ZNF678: variants seen among roughly 807,000 people sequenced by gnomAD.
The protein encoded by ZNF678 is hypothetical protein MGC42493.
ZNF678 carries 5 observed loss-of-function variants against 3.0 expected under a neutral mutation model. That is an observed-to-expected ratio of 1.69 (90% CI 0.88 to 3.56). The LOEUF (loss-of-function observed/expected upper bound fraction) is 3.56, where lower values mean the gene tolerates loss of function less well. ZNF678 is among the 30% of genes most tolerant of loss of function. The pLI, the probability that ZNF678 is intolerant of heterozygous loss-of-function variation, is 0.00. For missense variants in ZNF678, 593 were observed against 605.0 expected, an observed-to-expected ratio of 0.98 and a Z score of 0.21; for synonymous variants, 218 against 199.6, an observed-to-expected ratio of 1.09 and a Z score of -0.78.
In ZNF678 at chr1:227,654,581, A is replaced by G. The variant is rs756607703; in HGVS notation, c.331A>G (p.Ile111Val). 2.5e-5 allele frequency: 40 copies of G among 1,613,292 alleles called. No homozygotes were observed. The highest frequency in any genetic ancestry group is 4.5e-5 in the East Asian group (2 of 44,874). ...TGGCAGAAATTTTAGCTGGAGGTCA[A>G]TCCTTACTGAACATAAGAGAATTCA... ...ECGRNFSWRS[I>V]LTEHKRIHTG... Residue 111 changes from isoleucine (I) to valine (V), a missense_variant, in exon 4 of 4, where the codon ATC becomes GTC. Coordinates refer to ENST00000343776, the MANE Select transcript of ZNF678 (RefSeq NM_001367909.1).
At chr1:227,564,842 C>G (rs1021954693) in intron 1 of ZNF678, among the ~76,000 whole-genome samples, 1 of 151,964 alleles carries the variant, frequency 6.6e-6, no homozygotes, top group South Asian at 2.1e-4. Flanking sequence ...AGCGATTCTC[C>G]TGCCTCAGCC....
chr1:227,573,155 GTTAT>G (rs1325023705), intron 1 of ZNF678, among the ~76,000 whole-genome samples: 1 of 152,244 alleles, frequency 6.6e-6, no homozygotes, highest in Non-Finnish European at 1.5e-5. Context: ...CACACACATG[GTTAT>G]TTATTGTCAG....
At chr1:227,635,770 G>C (rs970746719) in intron 1 of ZNF678, among the ~76,000 whole-genome samples, 1 of 152,050 alleles carries the variant, frequency 6.6e-6, no homozygotes, top group Non-Finnish European at 1.5e-5. Flanking sequence ...CTCTCTTGCT[G>C]CTTCTGCTAT....
intron 1 of ZNF678, among the ~76,000 whole-genome samples, chr1:227,642,833 C>T (rs1446478459): frequency 6.6e-6 from 1 of 152,060 alleles, no homozygotes; most frequent in East Asian, 1.9e-4. Flanking sequence ...TTGGTTGGTA[C>T]CTAGATGGGA....
In ZNF678 at chr1:227,654,911, T is replaced by C; in HGVS notation, c.661T>C (p.Phe221Leu). The C allele has an allele frequency of 6.2e-7, 1 of 1,612,328 alleles. No homozygotes were observed. Among genetic ancestry groups the C allele is most frequent in the Non-Finnish European group, 8.5e-7 (1 of 1,179,370 alleles). The change falls in exon 4 of 4, where the codon TTC becomes CTC. Residue 221 changes from phenylalanine (F) to leucine (L), a missense_variant. Coordinates refer to ENST00000343776, the MANE Select transcript of ZNF678 (RefSeq NM_001367909.1). ...CEECGKAFTQ[F>L]SNLTQHKRIH... Reference sequence around the variant, plus strand: ...AGAATGTGGCAAAGCCTTTACCCAGTTCTCAAACCTTACACAACATAAGAG... The same window carrying C: ...AGAATGTGGCAAAGCCTTTACCCAGCTCTCAAACCTTACACAACATAAGAG...
intron 1 of ZNF678, among the ~76,000 whole-genome samples, chr1:227,602,307 A>G (rs1377738962): frequency 1.3e-5 from 2 of 152,246 alleles, no homozygotes. Flanking sequence ...TTATCAGTTA[A>G]AATTTATGTT....
chr1:227,582,941 T>G (rs144694604), intron 1 of ZNF678, among the ~76,000 whole-genome samples: 3 of 152,336 alleles, frequency 2.0e-5, no homozygotes, highest in Non-Finnish European at 2.9e-5. Flanking sequence ...TGAAGGTTAA[T>G]TGGCAATTTC....
At chr1:227,581,872 C>G (rs1657137614) in intron 1 of ZNF678, among the ~76,000 whole-genome samples, 1 of 152,190 alleles carries the variant, frequency 6.6e-6, no homozygotes, top group Non-Finnish European at 1.5e-5. Flanking sequence ...TACATTTCCA[C>G]CAGCAGCGCA....
chr1:227,614,605 T>G (rs1658099297), intron 1 of ZNF678, among the ~76,000 whole-genome samples: 1 of 152,210 alleles, frequency 6.6e-6, no homozygotes, highest in South Asian at 2.1e-4. Context: ...TTTCTTAGCT[T>G]TTGTTCAGAC....
At chr1:227,641,081 G>A (rs1239658964) in intron 1 of ZNF678, among the ~76,000 whole-genome samples, 1 of 152,210 alleles carries the variant, frequency 6.6e-6, no homozygotes, top group Non-Finnish European at 1.5e-5. Context: ...CTTACCAGTA[G>A]GCGAGATCAG....
chr1:227,666,832 C>T (rs1407237320), downstream of ZNF678, among the ~76,000 whole-genome samples: 15 of 150,548 alleles, frequency 1.0e-4, no homozygotes, highest in Non-Finnish European at 1.9e-4. Context: ...CCAACCTCCG[C>T]CTCCCGGGTT....
At chr1:227,567,825 G>C (rs1317296304) in intron 1 of ZNF678, among the ~76,000 whole-genome samples, 2 of 151,608 alleles carry the variant, frequency 1.3e-5, no homozygotes, top group East Asian at 3.9e-4. Context: ...CAATGTGCAG[G>C]TTAGTTACAT....
intron 1 of ZNF678, among the ~76,000 whole-genome samples, chr1:227,583,095 T>C (rs1186253670): frequency 1.3e-5 from 2 of 152,132 alleles, no homozygotes; most frequent in Non-Finnish European, 2.9e-5. Context: ...ATTTTACTTA[T>C]TATGTATCCG....
At chr1:227,648,798 C>T (rs533812238) in intron 2 of ZNF678, among the ~76,000 whole-genome samples, 19 of 152,028 alleles carry the variant, frequency 1.2e-4, no homozygotes, top group Non-Finnish European at 2.4e-4. Context: ...TGCCATTGCA[C>T]TCCATCCTGG....
At chr1:227,606,340 G>GC (rs1416614582) in intron 1 of ZNF678, among the ~76,000 whole-genome samples, 10 of 152,202 alleles carry the variant, frequency 6.6e-5, no homozygotes, top group African/African-American at 2.4e-4. Context: ...AACGTACTGT[G>GC]CCCGGATGTA....
chr1:227,631,512 C>T (rs1481300563), intron 1 of ZNF678, among the ~76,000 whole-genome samples: 1 of 152,204 alleles, frequency 6.6e-6, no homozygotes, highest in African/African-American at 2.4e-5. Context: ...AAATTCGTTT[C>T]AGAGAGGGTG....
intron 1 of ZNF678, among the ~76,000 whole-genome samples, chr1:227,604,188 A>C (rs570050731): frequency 6.6e-6 from 1 of 152,210 alleles, no homozygotes; most frequent in Non-Finnish European, 1.5e-5. Flanking sequence ...TTTTGGGCAC[A>C]TGAGTGAGAG....
intron 1 of ZNF678, among the ~76,000 whole-genome samples, chr1:227,633,885 G>A (rs1054706616): frequency 2.0e-5 from 3 of 152,188 alleles, no homozygotes; most frequent in South Asian, 4.1e-4. Flanking sequence ...TGATACATGA[G>A]CTAGGGCAGC....
chr1:227,617,264 G>A (rs1193952888), intron 1 of ZNF678, among the ~76,000 whole-genome samples: 1 of 152,216 alleles, frequency 6.6e-6, no homozygotes, highest in Non-Finnish European at 1.5e-5. Context: ...AGTTGGGCAT[G>A]CATAGCAGCA....
Sources: gnomAD v4.1 joint callset for allele counts (sites outside exome capture counted in the v4.1 genomes callset) on GRCh38, gnomAD v4.1.1 for gene constraint, MANE v1.5 for transcripts, NCBI Gene and HGNC (gene_info 2026-07-23, HGNC 2026-07-21) for gene names.